The following ALCAM variants were observed in gnomAD, a reference collection of about 807,000 sequenced individuals.
The protein encoded by ALCAM is CD166 antigen.
ALCAM carries 30 observed loss-of-function variants against 70.9 expected under a neutral mutation model. The ratio of observed to expected loss-of-function variants is 0.42; its 90% CI spans 0.32 to 0.57. The LOEUF (loss-of-function observed/expected upper bound fraction) is 0.57. Ranked by LOEUF, ALCAM falls within the 20% of genes least tolerant of loss-of-function variation. ALCAM has a pLI of 0.11. For synonymous variants in ALCAM, 249 were observed against 242.5 expected (o/e 1.03, Z -0.25); for missense variants, 591 against 695.1 (o/e 0.85, Z 1.68).
Position 105,462,549 on chromosome 3 carries a change from C to A in ALCAM, c.74-57518C>A, listed in dbSNP as rs148638024. Among the ~76,000 whole-genome samples the A allele has an allele frequency of 7.2e-3, 1,089 of 151,450 alleles. 15 individuals are homozygous for A. The highest frequency in any genetic ancestry group is 0.025 in the African/African-American group (1,035 of 41,430). On this transcript the variant is annotated intron_variant, in intron 1 of 15. Transcript: ENST00000306107. ...GAAGTACATTATGTATCAAAGGACC[C>A]ATATTTGACAGTGTACAAAGTTATG...
At chr3:105,445,636 C>A (rs1184795599) in intron 1 of ALCAM, among the ~76,000 whole-genome samples, 3 of 152,236 alleles carry the variant, frequency 2.0e-5, no homozygotes, top group East Asian at 1.9e-4. Flanking sequence ...AACAGACACA[C>A]AGGCCAACAG....
rs190983812 is a variant in ALCAM, at chr3:105,407,244, A to C, written c.73+39763A>C. Among the ~76,000 whole-genome samples, 26 of 137,398 alleles carry C rather than the reference A, an allele frequency of 1.9e-4. No individual in the cohort carries two copies. In the East Asian group the frequency reaches 6.1e-3, roughly 32 times the overall value. 90.1% of individuals were successfully genotyped at this position (137,398 alleles called of 152,430 possible). ...CCTAATACCAAAACCAGAGAAGGAC[A>C]TAACAACAACAGCAACAACAACAAA... On this transcript the variant is annotated intron_variant, in intron 1 of 15. Transcript: ENST00000306107.
In ALCAM at chr3:105,545,029, A is replaced by C. The variant is rs1294337301; in HGVS notation, c.992-194A>C. On this transcript the variant is annotated intron_variant, in intron 8 of 15. Coordinates refer to ENST00000306107, the MANE Select transcript of ALCAM (RefSeq NM_001627.4). Reference sequence around the variant, plus strand: ...AATTAGATTGACCACTCTCTTGTCTAAACTAGTCTCAAGGCTGGCTTGAAA... The same window carrying C: ...AATTAGATTGACCACTCTCTTGTCTCAACTAGTCTCAAGGCTGGCTTGAAA... 5.7e-6 allele frequency: 3 copies of C among 522,616 alleles called. No individual in the cohort carries two copies. In the East Asian group the frequency reaches 1.1e-4, roughly 19 times the overall value. The allele number at this position is 522,616 out of a possible 1,614,324, so 32.4% of individuals were successfully genotyped here. A position where few individuals can be genotyped will look rare whatever the true frequency, so the allele number is the denominator to read the frequency against.
intron 1 of ALCAM, among the ~76,000 whole-genome samples, chr3:105,446,392 T>C (rs948214921): frequency 6.6e-6 from 1 of 152,064 alleles, no homozygotes; most frequent in Non-Finnish European, 1.5e-5. Flanking sequence ...GTATTAGCTA[T>C]TATGGAAAAC....
At chr3:105,524,734 T>A in intron 3 of ALCAM, 1 of 1,285,624 alleles carries the variant, frequency 7.8e-7, no homozygotes, top group Non-Finnish European at 9.9e-7. Context: ...TAATATTCTC[T>A]GTTACTTTGT....
chr3:105,575,776 C>A lies in ALCAM; in HGVS notation c.*1325C>A. ...CTGGGAGAACACTGCACAGCGATTT[C>A]TTTCCCAGGATTTACACAACTTTAA... On this transcript the variant is annotated 3_prime_UTR_variant, in exon 16 of 16. Transcript: ENST00000306107. The A allele has an allele frequency of 6.6e-6, 1 of 152,142 alleles. No individual in the cohort carries two copies. The allele number at this position is 152,142 out of a possible 1,614,324, so 9.4% of individuals were successfully genotyped here. A position where few individuals can be genotyped will look rare whatever the true frequency, so the allele number is the denominator to read the frequency against.
intron 1 of ALCAM, among the ~76,000 whole-genome samples, chr3:105,393,192 A>G (rs1935866125): frequency 6.6e-6 from 1 of 151,788 alleles, no homozygotes; most frequent in South Asian, 2.1e-4. Flanking sequence ...TGCCATTCTT[A>G]TATTAGTCTA....
chr3:105,573,171 A>G (rs1295466651), intron 15 of ALCAM, among the ~76,000 whole-genome samples: 1 of 152,094 alleles, frequency 6.6e-6, no homozygotes, highest in Non-Finnish European at 1.5e-5. Context: ...TACTAAAAAT[A>G]CAAAAATTAG....
intron 14 of ALCAM, among the ~76,000 whole-genome samples, chr3:105,564,395 A>T (rs1940699971): frequency 6.6e-6 from 1 of 152,204 alleles, no homozygotes; most frequent in African/African-American, 2.4e-5. Flanking sequence ...TGTTTTAAAA[A>T]TTAAAAATTA....
intron 1 of ALCAM, among the ~76,000 whole-genome samples, chr3:105,396,341 C>G (rs1426832213): frequency 6.6e-6 from 1 of 151,806 alleles, no homozygotes; most frequent in South Asian, 2.1e-4. Flanking sequence ...TCCTGAGAAT[C>G]TTTGAAATAG....
intron 1 of ALCAM, 119 bp downstream of exon 1, chr3:105,367,600 G>T (rs946003999): frequency 8.4e-7 from 1 of 1,189,174 alleles, no homozygotes; most frequent in Admixed American, 2.1e-5. Flanking sequence ...GAGGTAAGGG[G>T]ACCGCTGTCC....
At chr3:105,478,280 G>T (rs957854874) in intron 1 of ALCAM, among the ~76,000 whole-genome samples, 1 of 152,030 alleles carries the variant, frequency 6.6e-6, no homozygotes, top group Non-Finnish European at 1.5e-5. Context: ...TTTTTGTTAT[G>T]TTCTTTTAAT....
chr3:105,455,988 A>G (rs1039590978), intron 1 of ALCAM, among the ~76,000 whole-genome samples: 5 of 152,184 alleles, frequency 3.3e-5, no homozygotes, highest in Admixed American at 3.3e-4. Context: ...CTGAAGCATG[A>G]GAATCGCTCG....
intron 1 of ALCAM, among the ~76,000 whole-genome samples, chr3:105,503,635 A>G (rs949992364): frequency 7.2e-5 from 11 of 152,222 alleles, no homozygotes; most frequent in African/African-American, 2.4e-4. Context: ...TGCCATCCTT[A>G]AAATGAACCA....
At chr3:105,558,026 A>C (rs1175360339) in intron 14 of ALCAM, among the ~76,000 whole-genome samples, 5 of 152,096 alleles carry the variant, frequency 3.3e-5, no homozygotes, top group Non-Finnish European at 5.9e-5. Context: ...GTTTTTCATT[A>C]AACTTGGCCC....
intron 1 of ALCAM, among the ~76,000 whole-genome samples, chr3:105,500,377 A>C (rs979747475): frequency 4.0e-5 from 6 of 151,624 alleles, no homozygotes; most frequent in Non-Finnish European, 7.4e-5. Context: ...TTTACGATGC[A>C]AGCTCTGTTT....
intron 14 of ALCAM, among the ~76,000 whole-genome samples, chr3:105,562,889 T>G (rs1055360819): frequency 6.6e-6 from 1 of 152,206 alleles, no homozygotes. Flanking sequence ...CACTGCAACC[T>G]CCGCCTCCCA....
At chr3:105,440,389 A>G (rs1330718657) in intron 1 of ALCAM, among the ~76,000 whole-genome samples, 2 of 152,206 alleles carry the variant, frequency 1.3e-5, no homozygotes, top group East Asian at 1.9e-4. Flanking sequence ...AGAATAGCAC[A>G]AAGGGCCTTT....
At chr3:105,506,027 A>T (rs1480747098) in intron 1 of ALCAM, among the ~76,000 whole-genome samples, 1 of 152,170 alleles carries the variant, frequency 6.6e-6, no homozygotes, top group African/African-American at 2.4e-5. Context: ...GGTGACTGTT[A>T]AATAAGATTT....
Sources: gnomAD v4.1 joint callset for allele counts (sites outside exome capture counted in the v4.1 genomes callset) on GRCh38, gnomAD v4.1.1 for gene constraint, MANE v1.5 for transcripts, NCBI Gene and HGNC (gene_info 2026-07-23, HGNC 2026-07-21) for gene names.